CEP170B: variants seen among roughly 807,000 people sequenced by gnomAD.
CEP170B encodes centrosomal protein of 170 kDa protein B.
Under a neutral mutation model 120.6 loss-of-function variants are expected in CEP170B, and 55 were observed. That is an observed-to-expected ratio of 0.46 (90% CI 0.37 to 0.57). The LOEUF is 0.57. Ranked by LOEUF, CEP170B falls within the 20% of genes least tolerant of loss-of-function variation. CEP170B has a pLI of 0.00. For synonymous variants in CEP170B, 1,033 were observed against 954.5 expected (o/e 1.08, Z -1.52); for missense variants, 2,212 against 2,253.3 (o/e 0.98, Z 0.37).
In CEP170B at chr14:104,887,716, G is replaced by C. The variant is rs1190361156; in HGVS notation, c.3477G>C (p.Glu1159Asp). ...AGCCCGTGGGCCGGCCAGCTGCTGA[G>C]CAGGCCAAGAAGCTGTCACGCCTGG... ...NPEPVGRPAA[E>D]QAKKLSRLDI... The change falls in exon 12 of 19, where the codon GAG becomes GAC. Residue 1159 changes from glutamate (E) to aspartate (D), a missense_variant. By Grantham distance (45) the Glu-to-Asp change is conservative. Coordinates refer to ENST00000414716, the MANE Select transcript of CEP170B (RefSeq NM_001112726.3). 6.3e-7 allele frequency: 1 copy of C among 1,586,370 alleles called. No individual in the cohort carries two copies. The highest frequency in any genetic ancestry group is 1.3e-5 in the African/African-American group (1 of 74,474).
At position 104,884,003 on chromosome 14, in the gene CEP170B, C is replaced by G. The variant is rs1281215955; in HGVS notation, c.1224C>G (p.Phe408Leu). The change falls in exon 9 of 19, where the codon TTC (phenylalanine) becomes TTG (leucine). Residue 408 changes from phenylalanine to leucine, a missense_variant. Phe to Leu is a conservative substitution (Grantham distance 22). Transcript: ENST00000414716. ...ACCAGCAGGCCTTTGTCATCGAGTTCTTCGACGAGGACACACCCCGAAAGA... is the reference window on the plus strand; with the variant it reads ...ACCAGCAGGCCTTTGTCATCGAGTTGTTCGACGAGGACACACCCCGAAAGA... ...LHNQQAFVIE[F>L]FDEDTPRKKR... 6.2e-7 allele frequency: 1 copy of G among 1,610,940 alleles called. No homozygotes were observed. The highest frequency in any genetic ancestry group is 8.5e-7 in the Non-Finnish European group (1 of 1,178,986).
Position 104,896,228 on chromosome 14 carries a change from TG to T in CEP170B, c.*1272del, listed in dbSNP as rs1897067854. 4.2e-6 allele frequency: 1 copy of T among 238,092 alleles called. No homozygotes were observed. Among genetic ancestry groups the T allele is most frequent in the African/African-American group, 2.3e-5 (1 of 44,332 alleles). 14.7% of individuals were successfully genotyped at this position (238,092 alleles called of 1,614,324 possible). ...CTGGGGACTGGAGGCTGGAAGCGGG[TG>T]GTGTGTGTCCCCTGTTTACTTTTAG... is the stretch of plus-strand genomic sequence containing the variant. On this transcript the variant is annotated 3_prime_UTR_variant, in exon 19 of 19. Transcript: ENST00000414716.
At chr14:104,871,773 C>T (rs1182335897) in intron 2 of CEP170B, among the ~76,000 whole-genome samples, 1 of 152,130 alleles carries the variant, frequency 6.6e-6, no homozygotes, top group Non-Finnish European at 1.5e-5. Context: ...CAGAGCTGAG[C>T]TGGGGCTACG....
Position 104,894,174 on chromosome 14 carries a change from G to A in CEP170B, c.4272-111G>A, listed in dbSNP as rs1896980067. Reference sequence around the variant, plus strand: ...GGCCTCAGTTTCCCCCTTAGGCCCAGGTGGGCTGGGATGAACTTCACCATG... The same window carrying A: ...GGCCTCAGTTTCCCCCTTAGGCCCAAGTGGGCTGGGATGAACTTCACCATG... On this transcript the variant is annotated intron_variant, in intron 16 of 18. Coordinates refer to ENST00000414716, the MANE Select transcript of CEP170B (RefSeq NM_001112726.3). The A allele has an allele frequency of 5.7e-6, 5 of 874,230 alleles. No individual in the cohort carries two copies. The South Asian group carries it at 7.3e-5, about 13-fold the overall frequency. 54.2% of individuals were successfully genotyped at this position (874,230 alleles called of 1,614,324 possible).
chr14:104,878,854 C>T (rs577868541), intron 5 of CEP170B, among the ~76,000 whole-genome samples: 21 of 152,346 alleles, frequency 1.4e-4, no homozygotes, highest in East Asian at 1.4e-3. Context: ...GGAGCTGCAT[C>T]GCTGGGCACT....
rs1895183510 is a variant in CEP170B, at chr14:104,865,972, T to G, written c.-28+459T>G. Reference sequence around the variant, plus strand: ...CGCTGTCCCTGCCTCTCCCGGCCTGTGCGCTCCTTCCACCGCCGGCCTGCC... The same window carrying G: ...CGCTGTCCCTGCCTCTCCCGGCCTGGGCGCTCCTTCCACCGCCGGCCTGCC... On this transcript the variant is annotated intron_variant, in intron 1 of 18. Transcript: ENST00000414716. The surrounding 1 kb of genome is among the most constrained non-coding windows in gnomAD (Gnocchi z 6.7). Among the ~76,000 whole-genome samples, 2 of 152,172 alleles carry G rather than the reference T, an allele frequency of 1.3e-5. No homozygotes were observed. Among genetic ancestry groups the G allele is most frequent in the African/African-American group, 4.8e-5 (2 of 41,528 alleles).
At chr14:104,866,713 C>T (rs1895227098) in intron 1 of CEP170B, among the ~76,000 whole-genome samples, 1 of 152,180 alleles carries the variant, frequency 6.6e-6, no homozygotes. Flanking sequence ...TGTTGGTTTT[C>T]CCTGCTGCTC....
chr14:104,879,194 G>A (rs1460379574), intron 5 of CEP170B, among the ~76,000 whole-genome samples: 1 of 152,166 alleles, frequency 6.6e-6, no homozygotes, highest in African/African-American at 2.4e-5. Flanking sequence ...GGTCTCTGAG[G>A]CTGGGGAATT....
intron 8 of CEP170B, 24 bp from the exon 9 acceptor site, chr14:104,883,807 G>C: frequency 6.6e-7 from 1 of 1,510,672 alleles, no homozygotes; most frequent in Non-Finnish European, 8.9e-7. Flanking sequence ...GGCCTGACAA[G>C]GTGGGGTCCC....
In CEP170B at chr14:104,877,738, A is replaced by G. The variant is rs925631696; in HGVS notation, c.196-147A>G. 3.4e-5 allele frequency: 22 copies of G among 641,734 alleles called. 1 individual carries two copies. The African/African-American group carries it at 4.0e-4, about 12-fold the overall frequency. 39.8% of individuals were successfully genotyped at this position (641,734 alleles called of 1,614,324 possible). ...TGCCTGGGACAGTGCTGCACAGGCC[A>G]TCACTCGCCGTGGGTTCCAGAGAGT... On this transcript the variant is annotated intron_variant, in intron 3 of 18. Coordinates refer to ENST00000414716, the MANE Select transcript of CEP170B (RefSeq NM_001112726.3).
chr14:104,887,045 G>C lies in CEP170B; in HGVS notation c.2806G>C (p.Glu936Gln). 6.2e-7 allele frequency: 1 copy of C among 1,611,356 alleles called. No homozygotes were observed. The highest frequency in any genetic ancestry group is 8.5e-7 in the Non-Finnish European group (1 of 1,179,804). ...ARLLSNSVDA[E>Q]CEGGSTPRPP... ...ACTCCTCTCTAATTCTGTGGATGCC[G>C]AGTGTGAGGGGGGCAGCACCCCGAG... is the stretch of plus-strand genomic sequence containing the variant. Residue 936 changes from glutamate to glutamine, a missense_variant, in exon 12 of 19, where the codon GAG (glutamate) becomes CAG (glutamine). Physicochemically the swap from Glu to Gln is conservative, Grantham distance 29. This residue lies in a region of CEP170B where 2,166 missense variants were observed against 2,166.7 expected (regional missense o/e 1.00). Transcript: ENST00000414716.
At chr14:104,892,139 G>A (rs1046592813) in intron 13 of CEP170B, among the ~76,000 whole-genome samples, 3 of 152,074 alleles carry the variant, frequency 2.0e-5, no homozygotes, top group Non-Finnish European at 4.4e-5. Context: ...CAGTGACAGG[G>A]AGCCTAGGTC....
upstream of CEP170B, among the ~76,000 whole-genome samples, chr14:104,864,716 AC>A (rs888211256): frequency 2.6e-5 from 4 of 151,736 alleles, no homozygotes; most frequent in Non-Finnish European, 5.9e-5. The surrounding 1 kb of genome is among the most constrained non-coding windows in gnomAD (Gnocchi z 5.9). Flanking sequence ...TGTCGGACAT[AC>A]GCCCAGTCTG....
chr14:104,868,411 C>T lies in CEP170B; in HGVS notation c.-27-13C>T. 1 of 1,531,510 alleles carries T rather than the reference C, an allele frequency of 6.5e-7. No individual in the cohort carries two copies. The highest frequency in any genetic ancestry group is 2.4e-5 in the East Asian group (1 of 40,824). The allele number at this position is 1,531,510 out of a possible 1,614,324, so 94.9% of individuals were successfully genotyped here. On this transcript the variant is annotated splice_polypyrimidine_tract_variant and intron_variant, in intron 1 of 18. Coordinates refer to ENST00000414716, the MANE Select transcript of CEP170B (RefSeq NM_001112726.3). The surrounding 1 kb of genome is among the most constrained non-coding windows in gnomAD (Gnocchi z 5.9). Reference sequence around the variant, plus strand: ...GCCAGGGAGCCCCACTCTAACAATCCCCTCTTCCCCAGGGCCAGACGGGCC... The same window carrying T: ...GCCAGGGAGCCCCACTCTAACAATCTCCTCTTCCCCAGGGCCAGACGGGCC...
chr14:104,874,662 TG>T (rs1341733849), intron 2 of CEP170B, among the ~76,000 whole-genome samples: 1 of 151,852 alleles, frequency 6.6e-6, no homozygotes, highest in Non-Finnish European at 1.5e-5. Context: ...CTGTAGTCCC[TG>T]CCCCCGGTCC....
Position 104,886,715 on chromosome 14 carries a change from G to A in CEP170B, c.2476G>A (p.Ala826Thr), listed in dbSNP as rs143115183. 110 of 1,597,880 alleles carry A rather than the reference G, an allele frequency of 6.9e-5. No homozygotes were observed. The African/African-American group carries it at 1.4e-3, about 20-fold the overall frequency. Residue 826 changes from alanine (A) to threonine (T), a missense_variant, in exon 12 of 19, where the codon GCC becomes ACC. Ala to Thr is a moderately conservative substitution (Grantham distance 58). This residue lies in a region of CEP170B where 2,166 missense variants were observed against 2,166.7 expected (regional missense o/e 1.00). Coordinates refer to ENST00000414716, the MANE Select transcript of CEP170B (RefSeq NM_001112726.3). Reference protein sequence around the residue: ...PGDGEGLGQTAQPSPPARDGV... With the variant: ...PGDGEGLGQTTQPSPPARDGV... ...GGATGGGGAGGGCCTAGGGCAGACA[G>A]CCCAGCCCAGCCCCCCAGCACGGGA...
chr14:104,894,851 C>T lies in CEP170B; in HGVS notation c.4558C>T (p.Leu1520=). Residue 1520 remains leucine, a synonymous_variant, in exon 19 of 19, where the codon CTG becomes TTG. Coordinates refer to ENST00000414716, the MANE Select transcript of CEP170B (RefSeq NM_001112726.3). The part of the protein sequence containing the change: ...SPPSPASAEA[L]LPALPLRNFP... ...ACCCTCACCCGCCTCAGCCGAGGCC[C>T]TGCTGCCAGCCCTGCCCCTGAGGAA... 6.2e-7 allele frequency: 1 copy of T among 1,609,702 alleles called. No homozygotes were observed. Among genetic ancestry groups the T allele is most frequent in the Non-Finnish European group, 8.5e-7 (1 of 1,178,822 alleles).
chr14:104,887,792 G>C lies in CEP170B; in HGVS notation c.3553G>C (p.Asp1185His). 1 of 1,586,358 alleles carries C rather than the reference G, an allele frequency of 6.3e-7. No individual in the cohort carries two copies. The highest frequency in any genetic ancestry group is 8.6e-7 in the Non-Finnish European group (1 of 1,168,518). ...KRAGSFTGTS[D>H]PEAAPARTSF... ...GGCCGGCTCCTTCACAGGGACTAGT[G>C]ACCCCGAGGCAGCCCCTGCCCGCAC... The change falls in exon 12 of 19, where the codon GAC becomes CAC. Residue 1185 changes from aspartate (D) to histidine (H), a missense_variant. Asp to His is a moderately conservative substitution (Grantham distance 81). Around this residue, in one of 2 missense-constraint regions of CEP170B, gnomAD observed 2,166 missense variants for 2,166.7 expected, o/e 1.00. Coordinates refer to ENST00000414716, the MANE Select transcript of CEP170B (RefSeq NM_001112726.3).
In CEP170B at chr14:104,887,639, G is replaced by C; in HGVS notation, c.3400G>C (p.Ala1134Pro). The change falls in exon 12 of 19, where the codon GCT (alanine) becomes CCT (proline). Residue 1134 changes from alanine (A) to proline (P), a missense_variant. Physicochemically the swap from Ala to Pro is conservative, Grantham distance 27. Around this residue, in one of 2 missense-constraint regions of CEP170B, gnomAD observed 2,166 missense variants for 2,166.7 expected, o/e 1.00. Transcript: ENST00000414716. The part of the protein sequence containing the change: ...SRLRRARLGD[A>P]SDTEAADGER... ...GCTGAGGCGGGCCCGGCTGGGGGAC[G>C]CTTCAGACACTGAGGCTGCGGATGG... 6.4e-7 allele frequency: 1 copy of C among 1,558,542 alleles called. No individual in the cohort carries two copies. The highest frequency in any genetic ancestry group is 2.4e-5 in the East Asian group (1 of 41,916).
Sources: gnomAD v4.1 joint callset for allele counts (sites outside exome capture counted in the v4.1 genomes callset) on GRCh38, gnomAD v4.1.1 for gene constraint, gnomAD v4.1.1 regional missense constraint, Gnocchi (gnomAD v3.1) non-coding constraint, MANE v1.5 for transcripts, NCBI Gene and HGNC (gene_info 2026-07-23, HGNC 2026-07-21) for gene names.